The following NCOR1 variants were observed in gnomAD, a reference collection of about 807,000 sequenced individuals.
The protein encoded by NCOR1 is nuclear receptor corepressor 1.
In NCOR1, 63 loss-of-function variants were observed where a neutral mutation model predicts 288.1. The ratio of observed to expected loss-of-function variants is 0.22; its 90% CI spans 0.18 to 0.27. The LOEUF (loss-of-function observed/expected upper bound fraction) is 0.27, where lower values mean the gene tolerates loss of function less well. Ranked by LOEUF, NCOR1 falls within the 10% of genes least tolerant of loss-of-function variation. The pLI, the probability that NCOR1 is intolerant of heterozygous loss-of-function variation, is 1.00. For synonymous variants in NCOR1, 1,007 were observed against 1,065.9 expected (o/e 0.94, Z 1.08); for missense variants, 2,397 against 3,019.2 (o/e 0.79, Z 4.83).
chr17:16,050,335 G>A lies in NCOR1; in HGVS notation c.6393-1347C>T, dbSNP rs181581171. ...CCTCCCAGGTTGAAAGGATTCTAGT[G>A]CCTCAGCCTCCTGAATAGCTGGGAT... On this transcript the variant is annotated intron_variant, in intron 40 of 45. Transcript: ENST00000268712. Among the ~76,000 whole-genome samples, 85 of 152,006 alleles carry A rather than the reference G, an allele frequency of 5.6e-4. 1 individual carries two copies. The highest frequency in any genetic ancestry group is 4.4e-3 in the Admixed American group (68 of 15,284).
intron 3 of NCOR1, among the ~76,000 whole-genome samples, chr17:16,182,433 AAT>A (rs2085675289): frequency 6.6e-6 from 1 of 152,164 alleles, no homozygotes; most frequent in South Asian, 2.1e-4. Flanking sequence ...AGAAAACTTA[AAT>A]AAATTTATTT....
At chr17:16,149,582 T>A (rs1426600210) in intron 8 of NCOR1, 65 bp from the exon 9 acceptor site, 1 of 692,494 alleles carries the variant, frequency 1.4e-6, no homozygotes, top group African/African-American at 1.8e-5. Context: ...GCATTCACTT[T>A]TTTTCCAGAG....
intron 40 of NCOR1, among the ~76,000 whole-genome samples, chr17:16,050,163 C>T (rs2059142165): frequency 6.6e-6 from 1 of 152,024 alleles, no homozygotes; most frequent in African/African-American, 2.4e-5. Context: ...CTCAAGCAAT[C>T]CTCCCACCTC....
Position 16,057,756 on chromosome 17 carries a change from G to GGA in NCOR1, c.6169-21_6169-20dup. The GGA allele has an allele frequency of 6.2e-7, 1 of 1,608,086 alleles. No individual in the cohort carries two copies. Among genetic ancestry groups the GGA allele is most frequent in the South Asian group, 1.1e-5 (1 of 90,416 alleles). On this transcript the variant is annotated intron_variant, in intron 39 of 45. Transcript: ENST00000268712. The stretch of plus-strand genomic sequence containing the variant: ...TAATTTGCTGTGAATGAGAAATGAA[G>GGA]GAAGTGGTAAAATTCATTGAGTACT...
intron 18 of NCOR1, 147 bp from the exon 19 acceptor site, chr17:16,109,059 TAA>T: frequency 1.6e-6 from 1 of 627,236 alleles, no homozygotes; most frequent in Non-Finnish European, 2.4e-6. Context: ...AAAGTGCAGA[TAA>T]ATACCTCTCC....
intron 1 of NCOR1, among the ~76,000 whole-genome samples, chr17:16,210,694 T>C (rs1160367007): frequency 6.6e-6 from 1 of 152,044 alleles, no homozygotes; most frequent in Non-Finnish European, 1.5e-5. Context: ...CTAAGCTAAA[T>C]ATCCAAAGTA....
intron 1 of NCOR1, among the ~76,000 whole-genome samples, chr17:16,196,535 TAGTC>T (rs942143660): frequency 6.6e-5 from 10 of 152,022 alleles, no homozygotes; most frequent in African/African-American, 2.4e-4. Context: ...TAATAACAAT[TAGTC>T]AGGCGGCTGG....
At position 16,062,313 on chromosome 17, in the gene NCOR1, A is replaced by G. The variant is rs141237410; in HGVS notation, c.5222-43T>C. On this transcript the variant is annotated intron_variant, in intron 35 of 45. Coordinates refer to ENST00000268712, the MANE Select transcript of NCOR1 (RefSeq NM_006311.4). ...AGAAAGAAACAAAGACATAAGGAGG[A>G]AGCCAGAGACAAAAGGAAGCAATGC... 1.9e-5 allele frequency: 29 copies of G among 1,536,264 alleles called. No homozygotes were observed. In the East Asian group the frequency reaches 3.9e-4, roughly 21 times the overall value.
chr17:16,185,836 C>T (rs983846410), intron 3 of NCOR1, among the ~76,000 whole-genome samples: 1 of 151,222 alleles, frequency 6.6e-6, no homozygotes, highest in African/African-American at 2.4e-5. Context: ...GACTGGGAGA[C>T]TAAGGTGGGA....
Position 16,123,747 on chromosome 17 carries a change from C to T in NCOR1, c.1634+2335G>A, listed in dbSNP as rs115441866. On this transcript the variant is annotated intron_variant, in intron 15 of 45. Coordinates refer to ENST00000268712, the MANE Select transcript of NCOR1 (RefSeq NM_006311.4). The stretch of plus-strand genomic sequence containing the variant: ...CTGCTAATGTCCTCCAAATTATCCA[C>T]AGAGAAGTAGCCTCGACCTCTTCTT... Among the ~76,000 whole-genome samples, 604 of 152,356 alleles carry T rather than the reference C, an allele frequency of 4.0e-3. 8 individuals carry two copies. Among genetic ancestry groups the T allele is most frequent in the African/African-American group, 0.014 (563 of 41,592 alleles).
At chr17:16,189,582 CA>C (rs1351251204) in intron 2 of NCOR1, among the ~76,000 whole-genome samples, 1 of 151,962 alleles carries the variant, frequency 6.6e-6, no homozygotes, top group African/African-American at 2.4e-5. Context: ...ATGGGAGCTA[CA>C]GCAAAAAGTT....
At chr17:16,095,630 T>C (rs1240392908) in intron 21 of NCOR1, among the ~76,000 whole-genome samples, 2 of 8,220 alleles carry the variant, frequency 2.4e-4, no homozygotes, top group African/African-American at 4.3e-4. Context: ...GAGGAGCCCC[T>C]CTGCCCGGCC....
chr17:16,040,121 T>G, intron 43 of NCOR1: 1 of 507,124 alleles, frequency 2.0e-6, no homozygotes, highest in East Asian at 5.2e-5. Context: ...GATAACTCCT[T>G]AAGGAAATTT....
At chr17:16,165,205 T>G in intron 4 of NCOR1, 44 bp from the exon 5 acceptor site, 1 of 1,510,626 alleles carries the variant, frequency 6.6e-7, no homozygotes, top group Non-Finnish European at 8.9e-7. Context: ...TTCTCACTAA[T>G]AGAGTCCAGA....
At position 16,058,046 on chromosome 17, in the gene NCOR1, T is replaced by C. The variant is rs771070449; in HGVS notation, c.6029A>G (p.Tyr2010Cys). Reference protein sequence around the residue: ...NQAENDPTRQYEGPLHHYRPQ... With the variant: ...NQAENDPTRQCEGPLHHYRPQ... Reference sequence around the variant, plus strand: ...TCGATAGTGATGTAATGGTCCTTCATATTGTCTGGTAGGATCATCTAGGAG... The same window carrying C: ...TCGATAGTGATGTAATGGTCCTTCACATTGTCTGGTAGGATCATCTAGGAG... The change falls in exon 39 of 46, where the codon TAT becomes TGT. Residue 2010 changes from tyrosine to cysteine, a missense_variant. By Grantham distance (194) the Tyr-to-Cys change is radical (BLOSUM62 -2). This residue lies in a region of NCOR1 where 1,872 missense variants were observed against 2,187.8 expected (regional missense o/e 0.86). Coordinates refer to ENST00000268712, the MANE Select transcript of NCOR1 (RefSeq NM_006311.4). 7 of 1,614,122 alleles carry C rather than the reference T, an allele frequency of 4.3e-6. No individual in the cohort carries two copies. The highest frequency in any genetic ancestry group is 5.9e-6 in the Non-Finnish European group (7 of 1,179,990).
chr17:16,170,887 C>T (rs1027711295), intron 4 of NCOR1, among the ~76,000 whole-genome samples: 19 of 150,154 alleles, frequency 1.3e-4, no homozygotes, highest in African/African-American at 3.7e-4. Flanking sequence ...AAAACAAGGA[C>T]ATACTACATG....
At chr17:16,110,745 A>C (rs1291572447) in intron 18 of NCOR1, among the ~76,000 whole-genome samples, 1 of 152,202 alleles carries the variant, frequency 6.6e-6, no homozygotes, top group Non-Finnish European at 1.5e-5. Context: ...CATCTACTCA[A>C]CATTCTCATG....
At chr17:16,191,839 G>C (rs1007086509) in intron 2 of NCOR1, 1 of 150,966 alleles carries the variant, frequency 6.6e-6, no homozygotes, top group Admixed American at 6.7e-5. Flanking sequence ...ACAGCCAGGC[G>C]TCGTGACTCA....
chr17:16,073,718 A>G (rs1186095132), intron 27 of NCOR1, 149 bp from the exon 28 acceptor site: 1 of 654,840 alleles, frequency 1.5e-6, no homozygotes, highest in Non-Finnish European at 2.2e-6. Context: ...TGATTCATGA[A>G]AATATTTTCA....
Sources: allele counts gnomAD v4.1 joint callset (sites outside exome capture counted in the v4.1 genomes callset), GRCh38; gene constraint gnomAD v4.1.1; regional missense constraint gnomAD v4.1.1; transcripts MANE v1.5; gene names NCBI Gene and HGNC (gene_info 2026-07-23, HGNC 2026-07-21).